The following SERPINC1 variants were observed in gnomAD, a reference collection of about 807,000 sequenced individuals.
The protein encoded by SERPINC1 is serpin family C member 1, also known as antithrombin-III.
Under a neutral mutation model 43.4 loss-of-function variants are expected in SERPINC1, and 12 were observed. The ratio of observed to expected loss-of-function variants is 0.28; its 90% CI spans 0.18 to 0.45. The LOEUF (loss-of-function observed/expected upper bound fraction) is 0.45, where lower values mean the gene tolerates loss of function less well. SERPINC1 is among the 20% of genes least tolerant of loss of function. The probability of loss-of-function intolerance (pLI) is 1.00; values close to 1 mark genes in which losing one functional copy is unlikely to be tolerated. For synonymous variants in SERPINC1, 210 were observed against 218.9 expected, an observed-to-expected ratio of 0.96 and a Z score of 0.36; for missense variants, 423 against 578.8, an observed-to-expected ratio of 0.73 and a Z score of 2.76.
Position 173,909,739 on chromosome 1 carries a change from C to A in SERPINC1, c.966G>T (p.Lys322Asn). 6.2e-7 allele frequency: 1 copy of A among 1,614,194 alleles called. No homozygotes were observed. Among genetic ancestry groups the A allele is most frequent in the Non-Finnish European group, 8.5e-7 (1 of 1,179,998 alleles). The change falls in exon 5 of 7, where the codon AAG (lysine) becomes AAT (asparagine). Residue 322 changes from lysine (K) to asparagine (N), a missense_variant. Coordinates refer to ENST00000367698, the MANE Select transcript of SERPINC1 (RefSeq NM_000488.4). ...GTTCCTTCTCTACCTTGGCCAGGCTCTTCTCAGGCTTGGGCAAGATGAGGA... is the reference window on the plus strand; with the variant it reads ...GTTCCTTCTCTACCTTGGCCAGGCTATTCTCAGGCTTGGGCAAGATGAGGA... ...TMVLILPKPE[K>N]SLAKVEKELT... is the part of the protein sequence containing the mutation.
At chr1:173,904,314 G>GA (rs1657392247) in intron 6 of SERPINC1, among the ~76,000 whole-genome samples, 1 of 152,194 alleles carries the variant, frequency 6.6e-6, no homozygotes, top group Non-Finnish European at 1.5e-5. Flanking sequence ...AGGTAACCCA[G>GA]AAATCTGAAT....
At chr1:173,908,135 C>T (rs1337356133) in intron 5 of SERPINC1, among the ~76,000 whole-genome samples, 1 of 152,008 alleles carries the variant, frequency 6.6e-6, no homozygotes, top group East Asian at 1.9e-4. Context: ...AAAAAACTCA[C>T]TCCATCCAGA....
At chr1:173,909,226 A>G (rs1314738814) in intron 5 of SERPINC1, among the ~76,000 whole-genome samples, 1 of 152,170 alleles carries the variant, frequency 6.6e-6, no homozygotes, top group Non-Finnish European at 1.5e-5. Flanking sequence ...ACATTTCCCC[A>G]GCTCTTAATA....
chr1:173,915,559 C>A (rs1657952513), intron 1 of SERPINC1, among the ~76,000 whole-genome samples: 2 of 152,084 alleles, frequency 1.3e-5, no homozygotes, highest in Non-Finnish European at 1.5e-5. Context: ...ACCTGTAGTC[C>A]CAAGCTACTA....
chr1:173,910,679 C>G, intron 4 of SERPINC1, 75 bp downstream of exon 4: 1 of 1,490,598 alleles, frequency 6.7e-7, no homozygotes, highest in Non-Finnish European at 9.3e-7. Context: ...TTCGGTCTCG[C>G]CATTTAAAAA....
Position 173,910,838 on chromosome 1 carries a change from G to A in SERPINC1, c.678C>T (p.Thr226=), listed in dbSNP as rs2227627. Residue 226 remains threonine, a synonymous_variant, in exon 4 of 7, where the codon ACC becomes ACT. Coordinates refer to ENST00000367698, the MANE Select transcript of SERPINC1 (RefSeq NM_000488.4). ...AAINKWVSNK[T]EGRITDVIPS... The stretch of plus-strand genomic sequence containing the variant: ...GAATGACATCGGTGATTCGGCCTTC[G>A]GTCTTATTGGACACCCATTTGTTGA... 835 of 1,614,036 alleles carry A rather than the reference G, an allele frequency of 5.2e-4. 2 individuals are homozygous for A. Among genetic ancestry groups the A allele is most frequent in the Non-Finnish European group, 6.3e-4 (740 of 1,179,942 alleles).
At chr1:173,911,718 T>C in intron 3 of SERPINC1, 81 bp downstream of exon 3, 1 of 1,139,504 alleles carries the variant, frequency 8.8e-7, no homozygotes, top group Non-Finnish European at 1.3e-6. Context: ...GCAGTGTGAA[T>C]TTGGATGCTG....
intron 1 of SERPINC1, among the ~76,000 whole-genome samples, chr1:173,916,890 C>T (rs1018673222): frequency 7.9e-5 from 12 of 152,116 alleles, no homozygotes; most frequent in East Asian, 1.9e-4. Context: ...GCTCTCTTCC[C>T]GGATGGATGG....
intron 5 of SERPINC1, 151 bp from the exon 6 acceptor site, chr1:173,907,665 G>A: frequency 1.4e-6 from 1 of 725,814 alleles, no homozygotes; most frequent in Non-Finnish European, 2.5e-6. Flanking sequence ...CTCTCACAAT[G>A]AATATGTGTT....
At position 173,914,543 on chromosome 1, in the gene SERPINC1, T is replaced by G; in HGVS notation, c.408+10A>C. On this transcript the variant is annotated intron_variant, in intron 2 of 6. Transcript: ENST00000367698. ...AACAAGGTGGCTGGGCAGAAGACCT[T>G]TGGTCGTACCTCCATCAGTTGCTGG... The G allele has an allele frequency of 1.9e-6, 3 of 1,613,772 alleles. No individual in the cohort carries two copies. The highest frequency in any genetic ancestry group is 1.3e-5 in the African/African-American group (1 of 75,016).
chr1:173,909,165 G>GTAGTAATAA (rs1553217836), intron 5 of SERPINC1, among the ~76,000 whole-genome samples: 1 of 150,790 alleles, frequency 6.6e-6, no homozygotes, highest in African/African-American at 2.5e-5. Context: ...TCTGTCTCAA[G>GTAGTAATAA]TAATAATAAT....
intron 5 of SERPINC1, among the ~76,000 whole-genome samples, chr1:173,908,891 G>T (rs1387465151): frequency 6.6e-6 from 1 of 152,186 alleles, no homozygotes; most frequent in South Asian, 2.1e-4. Context: ...AATGTGCCAG[G>T]TGCGGTGGCT....
Position 173,909,645 on chromosome 1 carries a change from G to T in SERPINC1, c.1060C>A (p.Arg354Ser), listed in dbSNP as rs765761813. ...CTGAAGCCGTCCTCAATGCGGAAGC[G>T]GGGCATGTGGACCACCAGCATCATC... The part of the protein sequence containing the change: ...EEMMLVVHMP[R>S]FRIEDGFSLK... Residue 354 changes from arginine to serine, a missense_variant, in exon 5 of 7, where the codon CGC becomes AGC. Physicochemically the swap from Arg to Ser is moderately radical, Grantham distance 110. Transcript: ENST00000367698. 1.2e-6 allele frequency: 2 copies of T among 1,613,776 alleles called. No individual in the cohort carries two copies. The highest frequency in any genetic ancestry group is 1.1e-5 in the South Asian group (1 of 91,072).
chr1:173,906,635 C>CT (rs746811672), intron 6 of SERPINC1, among the ~76,000 whole-genome samples: 2,940 of 141,172 alleles, frequency 0.021, 67 homozygotes, highest in African/African-American at 0.069. Flanking sequence ...AGTCTCCAAA[C>CT]TTTTTTTTTT....
intron 1 of SERPINC1, among the ~76,000 whole-genome samples, chr1:173,916,319 A>G (rs1227471153): frequency 6.6e-6 from 1 of 152,162 alleles, no homozygotes; most frequent in Admixed American, 6.5e-5. Context: ...TGGGAGAGAA[A>G]GACAGGCACC....
intron 5 of SERPINC1, among the ~76,000 whole-genome samples, chr1:173,908,112 T>C (rs1374109338): frequency 6.6e-6 from 1 of 151,880 alleles, no homozygotes; most frequent in Admixed American, 6.6e-5. Flanking sequence ...ACGGCAAGAC[T>C]CTGTTCTTAC....
rs370576783 is a variant in SERPINC1, at chr1:173,917,263, C to T, written c.-4G>A. ...TTCCTATCACATTGGAATACATGGC[C>T]GCTAATCTTCCACAGGGCTGGGCAA... is the stretch of plus-strand genomic sequence containing the variant. On this transcript the variant is annotated 5_prime_UTR_variant, in exon 1 of 7. Coordinates refer to ENST00000367698, the MANE Select transcript of SERPINC1 (RefSeq NM_000488.4). 56 of 1,613,874 alleles carry T rather than the reference C, an allele frequency of 3.5e-5. No homozygotes were observed. The East Asian group carries it at 7.1e-4, about 21-fold the overall frequency.
chr1:173,909,123 G>A (rs188341043), intron 5 of SERPINC1, among the ~76,000 whole-genome samples: 37 of 152,048 alleles, frequency 2.4e-4, no homozygotes, highest in Admixed American at 5.2e-4. Flanking sequence ...AGATCGCACC[G>A]CTGCACTCCA....
In SERPINC1 at chr1:173,909,719, T is replaced by C. The variant is rs1557902194; in HGVS notation, c.986A>G (p.Lys329Arg). Residue 329 changes from lysine (K) to arginine (R), a missense_variant, in exon 5 of 7, where the codon AAG becomes AGG. Transcript: ENST00000367698. ...TTGCAGCACCTCTGGGGTGAGTTCC[T>C]TCTCTACCTTGGCCAGGCTCTTCTC... ...KPEKSLAKVE[K>R]ELTPEVLQEW... 1 of 1,614,166 alleles carries C rather than the reference T, an allele frequency of 6.2e-7. No individual in the cohort carries two copies. Among genetic ancestry groups the C allele is most frequent in the Non-Finnish European group, 8.5e-7 (1 of 1,179,990 alleles).
Sources: gnomAD v4.1 joint callset for allele counts (sites outside exome capture counted in the v4.1 genomes callset) on GRCh38, gnomAD v4.1.1 for gene constraint, MANE v1.5 for transcripts, NCBI Gene and HGNC (gene_info 2026-07-23, HGNC 2026-07-21) for gene names.